The following SCML4 variants were observed in gnomAD, a reference collection of about 807,000 sequenced individuals.
SCML4 encodes the protein sex comb on midleg-like protein 4.
SCML4 carries 34 observed loss-of-function variants against 41.1 expected under a neutral mutation model. That is an observed-to-expected ratio of 0.83 (90% CI 0.63 to 1.10). The LOEUF (loss-of-function observed/expected upper bound fraction) is 1.10. SCML4 is among the 50% of genes least tolerant of loss of function. The pLI is 0.00. For missense variants in SCML4, 522 were observed against 534.1 expected (o/e 0.98, Z 0.22); for synonymous variants, 214 against 220.9 (o/e 0.97, Z 0.28).
At chr6:107,808,307 A>G (rs1204350629) in intron 1 of SCML4, among the ~76,000 whole-genome samples, 1 of 152,224 alleles carries the variant, frequency 6.6e-6, no homozygotes, top group Non-Finnish European at 1.5e-5. Flanking sequence ...ATATTATCAA[A>G]TCATGCAGCA....
intron 1 of SCML4, among the ~76,000 whole-genome samples, chr6:107,777,803 C>G (rs1781074336): frequency 1.3e-5 from 2 of 152,166 alleles, no homozygotes; most frequent in Admixed American, 1.3e-4. Context: ...CACCTCCCCA[C>G]AGGTGGCAGC....
At chr6:107,795,827 A>G (rs1030251369) in intron 1 of SCML4, among the ~76,000 whole-genome samples, 1 of 152,140 alleles carries the variant, frequency 6.6e-6, no homozygotes, top group Non-Finnish European at 1.5e-5. Context: ...GCGCCCAGCC[A>G]GAAAGGTTCT....
rs78102738 is a variant in SCML4, at chr6:107,745,568, T to C, written c.488-425A>G. ...TAAAACTGGAGGAGTGCCGTGACCA[T>C]GGAAAAAGGGATTTCTCTGACTCTG... On this transcript the variant is annotated intron_variant, in intron 4 of 7. Coordinates refer to ENST00000369020, the MANE Select transcript of SCML4 (RefSeq NM_198081.5). The C allele has an allele frequency of 4.3e-3, 661 of 154,454 alleles. 9 individuals are homozygous for C. In the East Asian group the frequency reaches 0.063, roughly 15 times the overall value. 9.6% of individuals were successfully genotyped at this position (154,454 alleles called of 1,614,324 possible).
At chr6:107,775,063 G>A (rs1330826506) in intron 1 of SCML4, among the ~76,000 whole-genome samples, 1 of 151,884 alleles carries the variant, frequency 6.6e-6, no homozygotes, top group Non-Finnish European at 1.5e-5. Context: ...ACATCTACAA[G>A]CATTTAGGCA....
intron 6 of SCML4, 76 bp downstream of exon 6, chr6:107,720,627 T>A: frequency 6.9e-7 from 1 of 1,451,512 alleles, no homozygotes; most frequent in Non-Finnish European, 9.1e-7. Flanking sequence ...CACTCCCCCT[T>A]CCCCAGATGC....
chr6:107,749,551 C>T (rs1778427253), intron 3 of SCML4, 133 bp downstream of exon 3: 1 of 1,011,804 alleles, frequency 9.9e-7, no homozygotes, highest in East Asian at 2.4e-5. Context: ...TGTCTGCTGC[C>T]TAGCTAGCAC....
intron 1 of SCML4, among the ~76,000 whole-genome samples, chr6:107,784,055 G>A (rs889659883): frequency 7.2e-5 from 11 of 152,092 alleles, no homozygotes; most frequent in African/African-American, 2.4e-4. Flanking sequence ...ATCACTGTGC[G>A]ACCATTTCCT....
chr6:107,837,864 C>G, the SCML4 span, among the ~76,000 whole-genome samples: 1 of 151,758 alleles, frequency 6.6e-6, no homozygotes, highest in Non-Finnish European at 1.5e-5. Flanking sequence ...GGTATCATAG[C>G]CCAGTGTGTC....
chr6:107,713,379 T>G (rs1774417781), intron 6 of SCML4, among the ~76,000 whole-genome samples: 1 of 152,148 alleles, frequency 6.6e-6, no homozygotes, highest in African/African-American at 2.4e-5. Flanking sequence ...TCTAAGCCCC[T>G]GCCAGCCCCT....
intron 1 of SCML4, among the ~76,000 whole-genome samples, chr6:107,817,619 T>TAAAAAAA (rs1784638175): frequency 1.3e-4 from 1 of 7,764 alleles, no homozygotes; most frequent in African/African-American, 3.0e-4. Flanking sequence ...AGACTTCATC[T>TAAAAAAA]CAAAAAAAAA....
intron 2 of SCML4, among the ~76,000 whole-genome samples, chr6:107,750,354 G>A: frequency 6.6e-6 from 1 of 152,194 alleles, no homozygotes; most frequent in South Asian, 2.1e-4. Context: ...GGCTGGATGT[G>A]GACACAAGAG....
At chr6:107,784,427 T>G (rs1297012373) in intron 1 of SCML4, among the ~76,000 whole-genome samples, 23 of 152,182 alleles carry the variant, frequency 1.5e-4, no homozygotes, top group Admixed American at 1.5e-3. Context: ...GTGGCATGTA[T>G]AGCATGCTAT....
intron 1 of SCML4, among the ~76,000 whole-genome samples, chr6:107,814,929 G>A (rs1288317410): frequency 6.6e-6 from 1 of 152,182 alleles, no homozygotes; most frequent in Admixed American, 6.5e-5. Flanking sequence ...ACACATGATA[G>A]AAAGGGTCTT....
At chr6:107,812,547 T>C (rs1784232653) in intron 1 of SCML4, among the ~76,000 whole-genome samples, 1 of 151,878 alleles carries the variant, frequency 6.6e-6, no homozygotes, top group Admixed American at 6.6e-5. Flanking sequence ...ATATTTGAAC[T>C]GGTGGACTGA....
At chr6:107,806,431 G>T (rs9486720) in intron 1 of SCML4, among the ~76,000 whole-genome samples, 8,347 of 152,118 alleles carry the variant, frequency 0.055, 790 homozygotes, top group African/African-American at 0.19. Flanking sequence ...ATTATGTGTC[G>T]GGCTCACTAA....
At position 107,802,020 on chromosome 6, in the gene SCML4, C is replaced by A. The variant is rs568301829; in HGVS notation, c.-60+22106G>T. On this transcript the variant is annotated intron_variant, in intron 1 of 7. Coordinates refer to ENST00000369020, the MANE Select transcript of SCML4 (RefSeq NM_198081.5). Reference sequence around the variant, plus strand: ...TCTCCTAGCCTCATGATCTGCCCGCCTCTGTCTCCCAAAGTGCTGGGATTA... The same window carrying A: ...TCTCCTAGCCTCATGATCTGCCCGCATCTGTCTCCCAAAGTGCTGGGATTA... Among the ~76,000 whole-genome samples the A allele has an allele frequency of 3.3e-5, 5 of 152,268 alleles. No individual in the cohort carries two copies. The East Asian group carries it at 9.7e-4, about 29-fold the overall frequency.
chr6:107,713,038 G>A (rs1262827372), intron 6 of SCML4, among the ~76,000 whole-genome samples: 1 of 152,160 alleles, frequency 6.6e-6, no homozygotes, highest in Non-Finnish European at 1.5e-5. Context: ...AGTTATGAAT[G>A]GATTAAATAT....
At chr6:107,831,216 G>A in the SCML4 span, among the ~76,000 whole-genome samples, 1 of 152,074 alleles carries the variant, frequency 6.6e-6, no homozygotes, top group Non-Finnish European at 1.5e-5. Context: ...TAAAGTTCAT[G>A]TAGAAGATAG....
intron 5 of SCML4, among the ~76,000 whole-genome samples, chr6:107,730,217 C>T (rs967748756): frequency 6.6e-6 from 1 of 152,202 alleles, no homozygotes; most frequent in African/African-American, 2.4e-5. Flanking sequence ...ACTTTTCAAG[C>T]GCTTTTGTGG....
Sources: gnomAD v4.1 joint callset for allele counts (sites outside exome capture counted in the v4.1 genomes callset) on GRCh38, gnomAD v4.1.1 for gene constraint, MANE v1.5 for transcripts, NCBI Gene and HGNC (gene_info 2026-07-23, HGNC 2026-07-21) for gene names.